Variants in MICU1 observed in about 807,000 individuals in gnomAD.
MICU1 encodes the protein calcium uptake protein 1, mitochondrial.
A neutral mutation model predicts 56.8 loss-of-function variants in MICU1; 45 were observed. The ratio of observed to expected loss-of-function variants is 0.79; its 90% CI spans 0.62 to 1.02. MICU1 has a LOEUF of 1.02. MICU1 is among the 50% of genes least tolerant of loss of function. MICU1 has a pLI of 0.00. For synonymous variants in MICU1, 186 were observed against 195.1 expected (o/e 0.95, Z 0.39); for missense variants, 504 against 587.1 (o/e 0.86, Z 1.46).
intron 6 of MICU1, among the ~76,000 whole-genome samples, chr10:72,485,899 GCACACACA>G (rs144168771): frequency 7.1e-6 from 1 of 141,338 alleles, no homozygotes; most frequent in Admixed American, 7.1e-5. Flanking sequence ...ACACACACAC[GCACACACA>G]CACACACACC....
At chr10:72,475,341 G>C in intron 7 of MICU1, 44 bp from the exon 8 acceptor site, 1 of 1,478,250 alleles carries the variant, frequency 6.8e-7, no homozygotes, top group Middle Eastern at 1.7e-4. Flanking sequence ...ATTAGGAAGT[G>C]AGAAAACATA....
intron 10 of MICU1, among the ~76,000 whole-genome samples, chr10:72,390,575 A>G (rs1183656740): frequency 1.3e-5 from 2 of 152,160 alleles, no homozygotes; most frequent in Non-Finnish European, 2.9e-5. Flanking sequence ...ATTCTGTGCT[A>G]AATTATGCCT....
At chr10:72,553,102 T>A (rs1243196120) in intron 3 of MICU1, among the ~76,000 whole-genome samples, 2 of 152,222 alleles carry the variant, frequency 1.3e-5, no homozygotes, top group Non-Finnish European at 2.9e-5. Context: ...AGATTGAGCA[T>A]GTGGCAAACA....
chr10:72,521,538 T>C (rs965845741), intron 5 of MICU1, among the ~76,000 whole-genome samples: 2 of 152,058 alleles, frequency 1.3e-5, no homozygotes, highest in Non-Finnish European at 2.9e-5. Context: ...ATTTGCATTA[T>C]CTCTTTAAGT....
At chr10:72,519,780 C>T (rs1370588060) in intron 5 of MICU1, among the ~76,000 whole-genome samples, 1 of 152,112 alleles carries the variant, frequency 6.6e-6, no homozygotes, top group Non-Finnish European at 1.5e-5. Context: ...TATCTAGAAA[C>T]TTATTTCTTC....
chr10:72,498,889 T>G (rs553618107), intron 6 of MICU1, among the ~76,000 whole-genome samples: 1 of 152,302 alleles, frequency 6.6e-6, no homozygotes, highest in South Asian at 2.1e-4. Flanking sequence ...CTCCTTTCTT[T>G]TTAGAGCATA....
At chr10:72,413,194 C>CA (rs577019091) in intron 9 of MICU1, among the ~76,000 whole-genome samples, 1 of 150,816 alleles carries the variant, frequency 6.6e-6, no homozygotes, top group Non-Finnish European at 1.5e-5. Flanking sequence ...AACTCTGTCT[C>CA]AAAAAAAGAC....
At chr10:72,395,526 A>G (rs1863225083) in intron 10 of MICU1, among the ~76,000 whole-genome samples, 1 of 152,140 alleles carries the variant, frequency 6.6e-6, no homozygotes, top group South Asian at 2.1e-4. Flanking sequence ...TCTCTTTCCT[A>G]GCCAAGGGAA....
At chr10:72,455,307 G>C (rs1865424160) in intron 8 of MICU1, among the ~76,000 whole-genome samples, 1 of 126,224 alleles carries the variant, frequency 7.9e-6, no homozygotes, top group Non-Finnish European at 1.6e-5. Context: ...CCGAGATGGT[G>C]CCACTGCACT....
In MICU1 at chr10:72,394,889, C is replaced by G. The variant is rs374784663; in HGVS notation, c.1180+13040G>C. Among the ~76,000 whole-genome samples, 3 of 151,872 alleles carry G rather than the reference C, an allele frequency of 2.0e-5. No homozygotes were observed. In the South Asian group the frequency reaches 6.2e-4, roughly 32 times the overall value. On this transcript the variant is annotated intron_variant, in intron 10 of 11. Coordinates refer to ENST00000361114, the MANE Select transcript of MICU1 (RefSeq NM_001195518.2). Reference sequence around the variant, plus strand: ...GCCTAATTTTTTTTCTTTTAGAAACCTAACTATCTGGCCAGACATGGTGGC... The same window carrying G: ...GCCTAATTTTTTTTCTTTTAGAAACGTAACTATCTGGCCAGACATGGTGGC...
At chr10:72,412,645 G>T (rs1863853529) in intron 9 of MICU1, among the ~76,000 whole-genome samples, 1 of 152,092 alleles carries the variant, frequency 6.6e-6, no homozygotes, top group Non-Finnish European at 1.5e-5. Context: ...GAGGTCAGGA[G>T]TTCGGGACCA....
intron 3 of MICU1, among the ~76,000 whole-genome samples, chr10:72,552,831 G>T (rs1423007047): frequency 1.3e-5 from 2 of 152,210 alleles, no homozygotes; most frequent in Non-Finnish European, 2.9e-5. Context: ...TGGGATTACA[G>T]GCGTGAGCCA....
chr10:72,611,026 C>T (rs1336251767), intron 1 of MICU1, among the ~76,000 whole-genome samples: 1 of 152,128 alleles, frequency 6.6e-6, no homozygotes, highest in African/African-American at 2.4e-5. Context: ...AAAACAAGGC[C>T]AGGCGCGGTG....
Position 72,621,946 on chromosome 10 carries a change from C to G in MICU1, c.-2+4064G>C, listed in dbSNP as rs1263277274. Among the ~76,000 whole-genome samples, 4 of 152,220 alleles carry G rather than the reference C, an allele frequency of 2.6e-5. No individual in the cohort carries two copies. In the East Asian group the frequency reaches 7.7e-4, roughly 29 times the overall value. ...ATTTATTTATTGAGCCAGAATCTTG[C>G]TCTGTCGCCCAGGCTGGAGTGCAGT... is the stretch of plus-strand genomic sequence containing the variant. On this transcript the variant is annotated intron_variant, in intron 1 of 11. Coordinates refer to ENST00000361114, the MANE Select transcript of MICU1 (RefSeq NM_001195518.2).
chr10:72,490,763 A>C (rs796503414), intron 6 of MICU1, among the ~76,000 whole-genome samples: 5 of 152,326 alleles, frequency 3.3e-5, no homozygotes, highest in African/African-American at 1.2e-4. Context: ...TGTTTACACT[A>C]TATAGCACCA....
At chr10:72,504,558 T>A (rs1273216248) in intron 6 of MICU1, among the ~76,000 whole-genome samples, 2 of 152,120 alleles carry the variant, frequency 1.3e-5, no homozygotes, top group East Asian at 3.8e-4. Flanking sequence ...ATTCTAGACA[T>A]CAACTTTGGG....
chr10:72,579,257 T>C (rs561585581), intron 1 of MICU1, among the ~76,000 whole-genome samples: 1 of 152,308 alleles, frequency 6.6e-6, no homozygotes, highest in East Asian at 1.9e-4. Flanking sequence ...CTTATAGTTC[T>C]GGAGGCCGGG....
At chr10:72,584,471 T>C (rs1217418436) in intron 1 of MICU1, among the ~76,000 whole-genome samples, 6 of 152,346 alleles carry the variant, frequency 3.9e-5, no homozygotes, top group Admixed American at 2.6e-4. Flanking sequence ...GGTTTCAATA[T>C]GTAAAATTTC....
intron 1 of MICU1, among the ~76,000 whole-genome samples, chr10:72,625,770 C>T (rs752424298): frequency 1.3e-5 from 2 of 152,080 alleles, no homozygotes; most frequent in African/African-American, 2.4e-5. Context: ...GGAGAAGGGA[C>T]GGGTTGGGGT....
Sources: allele counts gnomAD v4.1 joint callset (sites outside exome capture counted in the v4.1 genomes callset), GRCh38; gene constraint gnomAD v4.1.1; transcripts MANE v1.5; gene names NCBI Gene and HGNC (gene_info 2026-07-23, HGNC 2026-07-21).